Variants in LARP6 observed in about 807,000 individuals in gnomAD.
LARP6 encodes the protein La ribonucleoprotein 6, translational regulator.
In LARP6, 18 loss-of-function variants were observed where a neutral mutation model predicts 32.8. The observed-to-expected ratio is 0.55, with a 90% CI of 0.38 to 0.81. The LOEUF (loss-of-function observed/expected upper bound fraction) is 0.81. Among genes scored for constraint, LARP6 ranks in the 40% least tolerant of loss-of-function variants. The pLI is 0.00. For missense variants in LARP6, 598 were observed against 663.1 expected (o/e 0.90, Z 1.08); for synonymous variants, 289 against 267.2 (o/e 1.08, Z -0.80).
At position 70,838,912 on chromosome 15, in the gene LARP6, C is replaced by CACAAA. The variant is rs10634375; in HGVS notation, c.201-2408_201-2407insTTTGT. Among the ~76,000 whole-genome samples, 626 of 102,896 alleles carry CACAAA rather than the reference C, an allele frequency of 6.1e-3. 17 individuals carry two copies. The highest frequency in any genetic ancestry group is 0.029 in the Middle Eastern group (6 of 206). The allele number at this position is 102,896 out of a possible 152,430, so 67.5% of individuals were successfully genotyped here. A position where few individuals can be genotyped will look rare whatever the true frequency, so the allele number is the denominator to read the frequency against. The stretch of plus-strand genomic sequence containing the variant: ...AAATTTTCACTGGCTCTCAGCCTCA[C>CACAAA]AAAAAAAAAAAAAAAGAAAAGAAGC... On this transcript the variant is annotated intron_variant, in intron 1 of 2. Transcript: ENST00000299213.
chr15:70,831,000 G>T lies in LARP6; in HGVS notation c.*1052C>A, dbSNP rs1186280513. On this transcript the variant is annotated 3_prime_UTR_variant, in exon 3 of 3. Transcript: ENST00000299213. ...GTCACAAAATAGTGAGAGATTGGGGGTCAAATGGACTGACCTCAAGTCCTG... is the reference window on the plus strand; with the variant it reads ...GTCACAAAATAGTGAGAGATTGGGGTTCAAATGGACTGACCTCAAGTCCTG... 2 of 152,226 alleles carry T rather than the reference G, an allele frequency of 1.3e-5. No homozygotes were observed. The highest frequency in any genetic ancestry group is 2.9e-5 in the Non-Finnish European group (2 of 68,058). The allele number at this position is 152,226 out of a possible 1,614,324, so 9.4% of individuals were successfully genotyped here.
chr15:70,847,671 A>G (rs544326642), intron 1 of LARP6, among the ~76,000 whole-genome samples: 122 of 152,258 alleles, frequency 8.0e-4, no homozygotes, highest in African/African-American at 2.8e-3. Context: ...TAAATGATTT[A>G]GAGAAACAAA....
intron 1 of LARP6, among the ~76,000 whole-genome samples, chr15:70,847,999 T>C (rs191188161): frequency 1.3e-5 from 2 of 152,264 alleles, no homozygotes; most frequent in Admixed American, 1.3e-4. Flanking sequence ...GTGTGAGATT[T>C]CTTTTGACTC....
Position 70,831,255 on chromosome 15 carries a change from T to C in LARP6, c.*797A>G, listed in dbSNP as rs2032035337. ...CTTTGCTCAGTAAAATTCCCTGTGA[T>C]GAGACACCACTCAGGCTGCCAGAAG... On this transcript the variant is annotated 3_prime_UTR_variant, in exon 3 of 3. Coordinates refer to ENST00000299213, the MANE Select transcript of LARP6 (RefSeq NM_018357.4). The C allele has an allele frequency of 1.3e-5, 2 of 152,364 alleles. No homozygotes were observed. Among genetic ancestry groups the C allele is most frequent in the African/African-American group, 4.8e-5 (2 of 41,442 alleles). The allele number at this position is 152,364 out of a possible 1,614,324, so 9.4% of individuals were successfully genotyped here.
intron 1 of LARP6, among the ~76,000 whole-genome samples, chr15:70,838,342 A>C (rs1459289580): frequency 2.6e-5 from 4 of 152,230 alleles, no homozygotes; most frequent in African/African-American, 9.7e-5. Flanking sequence ...TAATACATGA[A>C]AATATCCAGA....
intron 2 of LARP6, among the ~76,000 whole-genome samples, chr15:70,834,888 A>G (rs555244785): frequency 6.6e-6 from 1 of 152,270 alleles, no homozygotes; most frequent in Non-Finnish European, 1.5e-5. Context: ...GAAATCCTTC[A>G]GAATGAAAAG....
At position 70,832,207 on chromosome 15, in the gene LARP6, T is replaced by A; in HGVS notation, c.1321A>T (p.Met441Leu). ...PWVRRRRQAE[M>L]GTQEKSPGTS... ...CCGGGGCTTTTCTCCTGGGTCCCCA[T>A]CTCGGCTTGGCGACGCCTCCGGACC... The change falls in exon 3 of 3, where the codon ATG becomes TTG. Residue 441 changes from methionine to leucine, a missense_variant. By Grantham distance (15) the Met-to-Leu change is conservative. Around this residue, in one of 3 missense-constraint regions of LARP6, gnomAD observed 368 missense variants for 397.9 expected, o/e 0.92. Coordinates refer to ENST00000299213, the MANE Select transcript of LARP6 (RefSeq NM_018357.4). 2 of 1,613,536 alleles carry A rather than the reference T, an allele frequency of 1.2e-6. No homozygotes were observed. Among genetic ancestry groups the A allele is most frequent in the Non-Finnish European group, 1.7e-6 (2 of 1,179,780 alleles).
chr15:70,835,409 G>A (rs1032238937), intron 2 of LARP6, among the ~76,000 whole-genome samples: 4 of 152,090 alleles, frequency 2.6e-5, no homozygotes, highest in African/African-American at 4.8e-5. Flanking sequence ...TACATCCTGC[G>A]CCTAGCACAG....
chr15:70,846,191 C>T (rs964773332), intron 1 of LARP6, among the ~76,000 whole-genome samples: 9 of 152,236 alleles, frequency 5.9e-5, no homozygotes, highest in Non-Finnish European at 1.3e-4. Context: ...GCCTCCTCCA[C>T]TCTGTGCCAT....
At chr15:70,844,818 T>C (rs1463253739) in intron 1 of LARP6, among the ~76,000 whole-genome samples, 1 of 152,208 alleles carries the variant, frequency 6.6e-6, no homozygotes, top group African/African-American at 2.4e-5. Context: ...CTTCCTACTC[T>C]TGTTTTGTGG....
intron 1 of LARP6, among the ~76,000 whole-genome samples, chr15:70,837,981 T>C (rs28626917): frequency 2.6e-5 from 4 of 152,234 alleles, no homozygotes; most frequent in Non-Finnish European, 5.9e-5. Context: ...AATTCATTTA[T>C]GTTTCATATA....
In LARP6 at chr15:70,829,632, T is replaced by C. The variant is rs1336132457; in HGVS notation, c.*2420A>G. On this transcript the variant is annotated 3_prime_UTR_variant, in exon 3 of 3. Coordinates refer to ENST00000299213, the MANE Select transcript of LARP6 (RefSeq NM_018357.4). Reference sequence around the variant, plus strand: ...CCTTATTTAAGGAACATCTTCTTGTTATCCACTGGTTTGTGGGAAGAACTG... The same window carrying C: ...CCTTATTTAAGGAACATCTTCTTGTCATCCACTGGTTTGTGGGAAGAACTG... The C allele has an allele frequency of 6.6e-6, 1 of 152,224 alleles. No homozygotes were observed. The highest frequency in any genetic ancestry group is 1.5e-5 in the Non-Finnish European group (1 of 68,044). 9.4% of individuals were successfully genotyped at this position (152,224 alleles called of 1,614,324 possible).
intron 2 of LARP6, among the ~76,000 whole-genome samples, chr15:70,834,916 T>C (rs1393386786): frequency 6.6e-6 from 1 of 152,248 alleles, no homozygotes; most frequent in African/African-American, 2.4e-5. Flanking sequence ...GCTCTGATTT[T>C]GGAGGTGTTA....
chr15:70,841,143 G>C (rs527562125), intron 1 of LARP6, among the ~76,000 whole-genome samples: 1 of 152,228 alleles, frequency 6.6e-6, no homozygotes, highest in South Asian at 2.1e-4. Context: ...TCGATCTCCT[G>C]ACCTCGTGAT....
chr15:70,851,451 T>C (rs550190973), intron 1 of LARP6: 1 of 1,281,904 alleles, frequency 7.8e-7, no homozygotes, highest in Admixed American at 3.2e-5. Context: ...AAGACTTTTC[T>C]TTATTGTTCA....
rs2032269135 is a variant in LARP6, at chr15:70,842,098, T to G, written c.201-5593A>C. ...CTTGCTCTGTTGCCTCAAGTTGGAA[T>G]GCAGTGGCATGAACACAGCTCACTG... On this transcript the variant is annotated intron_variant, in intron 1 of 2. Coordinates refer to ENST00000299213, the MANE Select transcript of LARP6 (RefSeq NM_018357.4). Among the ~76,000 whole-genome samples, 3 of 152,116 alleles carry G rather than the reference T, an allele frequency of 2.0e-5. No homozygotes were observed. In the South Asian group the frequency reaches 6.2e-4, roughly 32 times the overall value.
intron 1 of LARP6, chr15:70,851,330 ATTTTC>A (rs2032444576): frequency 6.0e-6 from 3 of 497,808 alleles, no homozygotes; most frequent in Non-Finnish European, 8.4e-6. Flanking sequence ...ATTTTTTCAT[ATTTTC>A]TTTATGTTTG....
intron 1 of LARP6, among the ~76,000 whole-genome samples, chr15:70,837,231 A>C (rs978541731): frequency 6.9e-6 from 1 of 144,196 alleles, no homozygotes; most frequent in African/African-American, 2.5e-5. Flanking sequence ...ACAACAACAA[A>C]AATTAGCCAG....
chr15:70,849,185 C>T (rs904942072), intron 1 of LARP6: 3 of 151,982 alleles, frequency 2.0e-5, no homozygotes, highest in East Asian at 1.9e-4. Flanking sequence ...GGTGAAATCC[C>T]GTCTCTATTA....
Sources: gnomAD v4.1 joint callset for allele counts (sites outside exome capture counted in the v4.1 genomes callset) on GRCh38, gnomAD v4.1.1 for gene constraint, gnomAD v4.1.1 regional missense constraint, MANE v1.5 for transcripts, NCBI Gene and HGNC (gene_info 2026-07-23, HGNC 2026-07-21) for gene names.